The following MGA variants were observed in gnomAD, a reference collection of about 807,000 sequenced individuals.
MGA encodes the protein MAX gene-associated protein.
A neutral mutation model predicts 261.1 loss-of-function variants in MGA; 40 were observed. The ratio of observed to expected loss-of-function variants is 0.15; its 90% CI spans 0.12 to 0.20. The LOEUF is 0.20. Ranked by LOEUF, MGA falls within the 10% of genes least tolerant of loss-of-function variation. The probability of loss-of-function intolerance (pLI) is 1.00; values close to 1 mark genes in which losing one functional copy is unlikely to be tolerated. For missense variants in MGA, 3,397 were observed against 3,630.5 expected, an observed-to-expected ratio of 0.94 and a Z score of 1.65; for synonymous variants, 1,302 against 1,290.6, an observed-to-expected ratio of 1.01 and a Z score of -0.19.
intron 1 of MGA, among the ~76,000 whole-genome samples, chr15:41,647,793 A>G (rs2056963957): frequency 6.6e-6 from 1 of 151,972 alleles, no homozygotes; most frequent in South Asian, 2.1e-4. Context: ...TTCCACTTAG[A>G]TCAATGGTTC....
chr15:41,668,275 T>G (rs867742511), intron 1 of MGA, among the ~76,000 whole-genome samples: 9 of 152,326 alleles, frequency 5.9e-5, no homozygotes, highest in Middle Eastern at 3.4e-3. Context: ...TTGTCATGGC[T>G]TCTTTAAACG....
rs1306553494 is a variant in MGA at position 41,746,935 on chromosome 15, C to G, written c.5213-1702C>G. Reference sequence around the variant, plus strand: ...GTTAGACCAGTTTCATTTATGCTTACTATTACCATGATTCCTACCTCTTTA... The same window carrying G: ...GTTAGACCAGTTTCATTTATGCTTAGTATTACCATGATTCCTACCTCTTTA... On this transcript the variant is annotated intron_variant, in intron 15 of 23. Coordinates refer to ENST00000219905, the MANE Select transcript of MGA (RefSeq NM_001164273.2). Among the ~76,000 whole-genome samples the G allele has an allele frequency of 6.1e-4, 92 of 150,430 alleles. 1 individual carries two copies. The highest frequency in any genetic ancestry group is 1.5e-5 in the Non-Finnish European group (1 of 67,768).
intron 5 of MGA, among the ~76,000 whole-genome samples, chr15:41,700,371 A>G (rs912921734): frequency 2.0e-5 from 3 of 152,076 alleles, no homozygotes; most frequent in Non-Finnish European, 2.9e-5. Context: ...TAAGCCCTGC[A>G]TGCATTAGGT....
At chr15:41,756,671 A>G (rs527678306) in intron 18 of MGA, among the ~76,000 whole-genome samples, 2 of 152,332 alleles carry the variant, frequency 1.3e-5, no homozygotes, top group East Asian at 3.8e-4. Context: ...CACATTGTGG[A>G]ATACTATATA....
intron 1 of MGA, among the ~76,000 whole-genome samples, chr15:41,640,075 G>T (rs562343850): frequency 1.1e-4 from 17 of 152,132 alleles, no homozygotes; most frequent in Non-Finnish European, 2.1e-4. Context: ...GGGCATCAAG[G>T]CAGGCTTCAT....
chr15:41,636,589 GTTT>G (rs2056714127), intron 1 of MGA, among the ~76,000 whole-genome samples: 1 of 151,288 alleles, frequency 6.6e-6, no homozygotes, highest in African/African-American at 2.4e-5. Context: ...TTTTGTGTGT[GTTT>G]TTAGTAGAGA....
intron 11 of MGA, among the ~76,000 whole-genome samples, chr15:41,734,106 G>A (rs1472786311): frequency 6.6e-6 from 1 of 151,532 alleles, no homozygotes; most frequent in Non-Finnish European, 1.5e-5. Flanking sequence ...ATGGGGTTTT[G>A]CCTTGTTGGC....
At position 41,711,347 on chromosome 15, in the gene MGA, C is replaced by G. The variant is rs765013304; in HGVS notation, c.3082C>G (p.Gln1028Glu). The G allele has an allele frequency of 3.1e-6, 5 of 1,588,970 alleles. No individual in the cohort carries two copies. The East Asian group carries it at 6.7e-5, about 21-fold the overall frequency. Reference sequence around the variant, plus strand: ...ATCCTTAACAACTCTACTTACAGCTCAAGTAAGTAGCTGCTGTTTTCTGGA... The same window carrying G: ...ATCCTTAACAACTCTACTTACAGCTGAAGTAAGTAGCTGCTGTTTTCTGGA... The change falls in exon 8 of 24, where the codon CAA (glutamine) becomes GAA (glutamate). Residue 1028 changes from glutamine (Q) to glutamate (E), a missense_variant and splice_region_variant. Around this residue, in one of 9 missense-constraint regions of MGA, gnomAD observed 519 missense variants for 554.1 expected, o/e 0.94. Transcript: ENST00000219905.
chr15:41,646,542 C>T (rs1269112188), intron 1 of MGA, among the ~76,000 whole-genome samples: 3 of 151,796 alleles, frequency 2.0e-5, no homozygotes, highest in East Asian at 1.9e-4. Flanking sequence ...AGGTTGGTCT[C>T]GAACTCCTGG....
At chr15:41,623,276 GATA>G (rs2056353453) in intron 1 of MGA, among the ~76,000 whole-genome samples, 1 of 152,188 alleles carries the variant, frequency 6.6e-6, no homozygotes. Context: ...ATAAAGCTAT[GATA>G]ATCAAAATAT....
chr15:41,728,346 A>AACC (rs929695124), intron 10 of MGA, among the ~76,000 whole-genome samples: 8 of 152,134 alleles, frequency 5.3e-5, no homozygotes, highest in African/African-American at 1.9e-4. Flanking sequence ...CAACAACAAC[A>AACC]AAACCTGAAA....
intron 9 of MGA, chr15:41,718,328 T>C (rs1408287377): frequency 7.2e-6 from 2 of 279,674 alleles, no homozygotes; most frequent in Non-Finnish European, 1.3e-5. Flanking sequence ...TATACATATA[T>C]ATATACATGT....
chr15:41,750,089 A>G lies in MGA; in HGVS notation c.6482A>G (p.Lys2161Arg), dbSNP rs547067198. The G allele has an allele frequency of 5.0e-6, 8 of 1,613,094 alleles. No homozygotes were observed. The African/African-American group carries it at 9.3e-5, about 19-fold the overall frequency. ...AATCTACAGCCAGAGGCCAAAGAGA[A>G]GGAATGTGGAGACTCTCTGGAGAAA... Residue 2161 changes from lysine to arginine, a missense_variant, in exon 17 of 24, where the codon AAG (lysine) becomes AGG (arginine). Lys to Arg is a conservative substitution (Grantham distance 26). Coordinates refer to ENST00000219905, the MANE Select transcript of MGA (RefSeq NM_001164273.2).
chr15:41,631,306 T>A (rs1427161472), intron 1 of MGA, among the ~76,000 whole-genome samples: 1 of 152,204 alleles, frequency 6.6e-6, no homozygotes, highest in East Asian at 1.9e-4. Context: ...AGCTCTTTGT[T>A]TGATATGATA....
chr15:41,749,056 A>C, intron 16 of MGA, 55 bp from the exon 17 acceptor site: 2 of 1,555,690 alleles, frequency 1.3e-6, no homozygotes, highest in African/African-American at 1.4e-5. Flanking sequence ...AAACATTGGA[A>C]GTCTTGATAT....
chr15:41,746,917 C>A (rs886941287), intron 15 of MGA, among the ~76,000 whole-genome samples: 6 of 150,902 alleles, frequency 4.0e-5, no homozygotes, highest in African/African-American at 1.5e-4. Flanking sequence ...AATGTTAGAC[C>A]AGTTTCATTT....
chr15:41,656,499 G>C (rs1446778041), upstream of MGA, among the ~76,000 whole-genome samples: 1 of 151,548 alleles, frequency 6.6e-6, no homozygotes, highest in Non-Finnish European at 1.5e-5. Flanking sequence ...ACACCACCAG[G>C]CCCAGCTATT....
chr15:41,706,009 C>T (rs937487735), intron 5 of MGA, among the ~76,000 whole-genome samples: 3 of 152,076 alleles, frequency 2.0e-5, no homozygotes, highest in African/African-American at 4.8e-5. Context: ...GAGGCCGAGG[C>T]GGGCGGATTA....
At chr15:41,743,577 T>C (rs1351534008) in intron 15 of MGA, among the ~76,000 whole-genome samples, 1 of 152,198 alleles carries the variant, frequency 6.6e-6, no homozygotes, top group East Asian at 1.9e-4. Context: ...TCTGAGCCAC[T>C]AACATGGGCA....
Sources: allele counts gnomAD v4.1 joint callset (sites outside exome capture counted in the v4.1 genomes callset), GRCh38; gene constraint gnomAD v4.1.1; regional missense constraint gnomAD v4.1.1; transcripts MANE v1.5; gene names NCBI Gene and HGNC (gene_info 2026-07-23, HGNC 2026-07-21).